Variants in IMPG2 observed in about 807,000 individuals in gnomAD.
The protein encoded by IMPG2 is interphotoreceptor matrix proteoglycan 2, also known as IPM 200.
IMPG2 carries 91 observed loss-of-function variants against 129.2 expected under a neutral mutation model. The ratio of observed to expected loss-of-function variants is 0.70; its 90% CI spans 0.59 to 0.84. IMPG2 has a LOEUF of 0.84. Ranked by LOEUF, IMPG2 falls within the 40% of genes least tolerant of loss-of-function variation. The pLI, the probability that IMPG2 is intolerant of heterozygous loss-of-function variation, is 0.00. For missense variants in IMPG2, 1,430 were observed against 1,461.7 expected (o/e 0.98, Z 0.35); for synonymous variants, 510 against 517.7 (o/e 0.99, Z 0.20).
chr3:101,267,615 G>C (rs1309656735), intron 8 of IMPG2, 84 bp from the exon 9 acceptor site: 6 of 1,126,408 alleles, frequency 5.3e-6, no homozygotes, highest in African/African-American at 4.6e-5. Context: ...AGTTATTCAT[G>C]TATTTCCTCT....
chr3:101,264,813 TA>T (rs1185191113), intron 9 of IMPG2, among the ~76,000 whole-genome samples: 1 of 151,676 alleles, frequency 6.6e-6, no homozygotes, highest in African/African-American at 2.4e-5. Flanking sequence ...AAGACTCCAT[TA>T]AAAAAACTCC....
intron 2 of IMPG2, among the ~76,000 whole-genome samples, chr3:101,317,284 A>AT (rs1052687801): frequency 9.2e-5 from 14 of 152,130 alleles, no homozygotes; most frequent in African/African-American, 2.2e-4. Flanking sequence ...AACAACGAAT[A>AT]TTTTTTTTAA....
At chr3:101,272,820 T>C (rs182154333) in intron 7 of IMPG2, among the ~76,000 whole-genome samples, 14 of 152,244 alleles carry the variant, frequency 9.2e-5, no homozygotes, top group Admixed American at 4.6e-4. Flanking sequence ...ATGGAATTGA[T>C]AAACTTGGCT....
intron 7 of IMPG2, among the ~76,000 whole-genome samples, chr3:101,270,251 T>C (rs1052655050): frequency 2.0e-5 from 3 of 152,196 alleles, no homozygotes; most frequent in Admixed American, 2.0e-4. Context: ...TTGTTTGGAT[T>C]TGGAATCTGG....
chr3:101,318,790 G>A (rs1375540049), intron 2 of IMPG2, among the ~76,000 whole-genome samples: 1 of 152,020 alleles, frequency 6.6e-6, no homozygotes, highest in African/African-American at 2.4e-5. Context: ...AGCAAAGTTT[G>A]GGAATCCTTC....
intron 16 of IMPG2, among the ~76,000 whole-genome samples, chr3:101,230,079 G>A (rs1559638895): frequency 6.6e-6 from 1 of 152,202 alleles, no homozygotes; most frequent in Non-Finnish European, 1.5e-5. Context: ...ACACACTGCT[G>A]ACACAAATAA....
chr3:101,278,106 A>G (rs1390841975), intron 4 of IMPG2, among the ~76,000 whole-genome samples: 2 of 152,098 alleles, frequency 1.3e-5, no homozygotes, highest in South Asian at 2.1e-4. Context: ...GTGGTGGCAC[A>G]TGCCTGTAAT....
At chr3:101,234,896 T>C (rs181700223) in intron 14 of IMPG2, among the ~76,000 whole-genome samples, 1 of 152,346 alleles carries the variant, frequency 6.6e-6, no homozygotes, top group East Asian at 1.9e-4. Context: ...TAAGATTGAA[T>C]ATCCCTTATC....
intron 10 of IMPG2, 46 bp downstream of exon 10, chr3:101,257,483 T>C: frequency 1.9e-6 from 3 of 1,608,918 alleles, no homozygotes; most frequent in East Asian, 2.2e-5. Flanking sequence ...CAGAGCATAC[T>C]GGAAAAGAAA....
intron 11 of IMPG2, among the ~76,000 whole-genome samples, chr3:101,248,563 C>T (rs1461254936): frequency 6.6e-6 from 1 of 152,182 alleles, no homozygotes; most frequent in African/African-American, 2.4e-5. Flanking sequence ...CACACTCTCC[C>T]AATCACAGAG....
chr3:101,275,874 G>T, intron 5 of IMPG2, 129 bp from the exon 6 acceptor site: 1 of 724,638 alleles, frequency 1.4e-6, no homozygotes, highest in South Asian at 1.5e-5. Flanking sequence ...CTGGAAATTC[G>T]GTGCATTCTA....
intron 2 of IMPG2, among the ~76,000 whole-genome samples, chr3:101,318,996 C>A (rs1242140396): frequency 6.6e-6 from 1 of 151,902 alleles, no homozygotes; most frequent in Non-Finnish European, 1.5e-5. Flanking sequence ...TGTGAATCTG[C>A]AGAATATCTA....
chr3:101,260,817 C>T (rs2107237882), intron 9 of IMPG2, among the ~76,000 whole-genome samples: 1 of 152,270 alleles, frequency 6.6e-6, no homozygotes, highest in Non-Finnish European at 1.5e-5. Flanking sequence ...ACTATACAGG[C>T]ACAATTACTT....
intron 8 of IMPG2, among the ~76,000 whole-genome samples, chr3:101,269,245 T>C (rs1706752782): frequency 6.6e-6 from 1 of 152,230 alleles, no homozygotes; most frequent in African/African-American, 2.4e-5. Context: ...ACGTAACTTG[T>C]CAGCAGCAAG....
At chr3:101,241,948 G>C (rs1443390493) in intron 14 of IMPG2, among the ~76,000 whole-genome samples, 1 of 151,982 alleles carries the variant, frequency 6.6e-6, no homozygotes, top group East Asian at 1.9e-4. Flanking sequence ...AGAATTGCTT[G>C]AGCCCAGGAG....
At chr3:101,279,935 C>A (rs1706875829) in intron 4 of IMPG2, among the ~76,000 whole-genome samples, 1 of 152,200 alleles carries the variant, frequency 6.6e-6, no homozygotes, top group Non-Finnish European at 1.5e-5. Context: ...AACAAGAATC[C>A]TTTTACATGT....
intron 10 of IMPG2, among the ~76,000 whole-genome samples, chr3:101,255,201 C>T (rs145661295): frequency 2.4e-4 from 37 of 152,142 alleles, no homozygotes; most frequent in African/African-American, 7.2e-4. Flanking sequence ...GATCAAGTTA[C>T]GTAGAAAGCT....
At chr3:101,313,911 TA>T (rs1333172446) in intron 2 of IMPG2, among the ~76,000 whole-genome samples, 1 of 152,066 alleles carries the variant, frequency 6.6e-6, no homozygotes, top group African/African-American at 2.4e-5. Context: ...AAGGCCAATA[TA>T]CAAAAATCAG....
chr3:101,243,422 A>G, intron 13 of IMPG2, 107 bp downstream of exon 13: 1 of 958,376 alleles, frequency 1.0e-6, no homozygotes, highest in Non-Finnish European at 1.7e-6. Flanking sequence ...GTGAATGTTC[A>G]CAGCAGATCA....
Sources: allele counts gnomAD v4.1 joint callset (sites outside exome capture counted in the v4.1 genomes callset), GRCh38; gene constraint gnomAD v4.1.1; transcripts MANE v1.5; gene names NCBI Gene and HGNC (gene_info 2026-07-23, HGNC 2026-07-21).